Variants in TJP2 observed in about 807,000 individuals in gnomAD.
TJP2 encodes tight junction protein 2.
Under a neutral mutation model 133.1 loss-of-function variants are expected in TJP2, and 91 were observed. That is an observed-to-expected ratio of 0.68 (90% confidence interval 0.58 to 0.81). The LOEUF is 0.81. Among genes scored for constraint, TJP2 ranks in the 40% least tolerant of loss-of-function variants. The pLI is 0.00. For missense variants in TJP2, 1,541 were observed against 1,565.6 expected (o/e 0.98, Z 0.26); for synonymous variants, 592 against 583.4 (o/e 1.01, Z -0.21).
chr9:69,175,697 T>C (rs1430397424), intron 1 of TJP2, among the ~76,000 whole-genome samples: 1 of 152,116 alleles, frequency 6.6e-6, no homozygotes, highest in East Asian at 1.9e-4. Flanking sequence ...ATCCGATGAG[T>C]GCCATTTAGA....
chr9:69,132,592 C>T (rs935187430), intron 1 of TJP2, among the ~76,000 whole-genome samples: 2 of 152,190 alleles, frequency 1.3e-5, no homozygotes, highest in East Asian at 1.9e-4. Context: ...AGTTCAAAGT[C>T]CTGTGCATTC....
At chr9:69,145,101 T>C (rs1046128940) in intron 1 of TJP2, among the ~76,000 whole-genome samples, 5 of 152,260 alleles carry the variant, frequency 3.3e-5, no homozygotes, top group Admixed American at 6.5e-5. Context: ...TTTTTAATAA[T>C]AATTTTAAAA....
intron 1 of TJP2, among the ~76,000 whole-genome samples, chr9:69,202,636 C>T (rs111636743): frequency 6.6e-6 from 1 of 152,154 alleles, no homozygotes; most frequent in Non-Finnish European, 1.5e-5. Context: ...AGAGAAAATA[C>T]ATTTATTACT....
rs766426437 is a variant in TJP2 at position 69,254,213 on chromosome 9, A to G, written c.3412A>G (p.Arg1138Gly). Residue 1138 changes from arginine (R) to glycine (G), a missense_variant, in exon 23 of 23, where the codon AGA (arginine) becomes GGA (glycine). Arg to Gly is a moderately radical substitution (Grantham distance 125, BLOSUM62 -2). Coordinates refer to ENST00000377245, the MANE Select transcript of TJP2 (RefSeq NM_004817.4). ...TTAACACCCTTTTTTTGTTAGTTCC[A>G]GACCCCCTGAGCCACAGAAAGCTCC... ...DPGTPQHTSSRPPEPQKAPSR... is the reference protein window; with the variant it reads ...DPGTPQHTSSGPPEPQKAPSR... The G allele has an allele frequency of 6.2e-7, 1 of 1,614,218 alleles. No homozygotes were observed. The highest frequency in any genetic ancestry group is 1.1e-5 in the South Asian group (1 of 91,080).
intron 1 of TJP2, among the ~76,000 whole-genome samples, chr9:69,208,841 A>C (rs966209372): frequency 6.6e-6 from 1 of 152,010 alleles, no homozygotes; most frequent in African/African-American, 2.4e-5. Flanking sequence ...CCCTTAATTC[A>C]TGGGGCTATA....
chr9:69,251,431 G>GAAC (rs1831324051), intron 21 of TJP2, 67 bp downstream of exon 21: 7 of 1,506,166 alleles, frequency 4.6e-6, no homozygotes, highest in Non-Finnish European at 5.4e-6. Flanking sequence ...ACATAACAGC[G>GAAC]AACAGCCCCT....
At chr9:69,213,055 A>ATTTTTT (rs551659577) in intron 2 of TJP2, among the ~76,000 whole-genome samples, 2 of 76,546 alleles carry the variant, frequency 2.6e-5, no homozygotes, top group Non-Finnish European at 5.0e-5. Context: ...GTGGTTCTGC[A>ATTTTTT]TTTTTTTTTT....
intron 12 of TJP2, among the ~76,000 whole-genome samples, chr9:69,234,867 A>G (rs1830067916): frequency 6.6e-6 from 1 of 152,202 alleles, no homozygotes; most frequent in Non-Finnish European, 1.5e-5. Flanking sequence ...TGCAAAGGCC[A>G]TGGCTGCTGG....
rs1468773013 is a variant in TJP2, at chr9:69,124,110, G to A, written c.-131+2385G>A. Among the ~76,000 whole-genome samples, 2 of 75,074 alleles carry A rather than the reference G, an allele frequency of 2.7e-5. 1 individual carries two copies. The highest frequency in any genetic ancestry group is 6.1e-5 in the Non-Finnish European group (2 of 33,042). The allele number at this position is 75,074 out of a possible 152,430, so 49.3% of individuals were successfully genotyped here. ...TTAGCCAGGATGGTCTTGATCTCCT[G>A]ACCTCGTGATCCGCCCACCTCGGCC... On this transcript the variant is annotated intron_variant, in intron 1 of 5. Coordinates refer to the TJP2 transcript ENST00000423935.
upstream of TJP2, among the ~76,000 whole-genome samples, chr9:69,172,041 C>T (rs141138169): frequency 3.2e-4 from 48 of 152,196 alleles, no homozygotes; most frequent in Non-Finnish European, 6.3e-4. Context: ...GCGATCTGTC[C>T]GCCTCGACCT....
chr9:69,237,175 G>A, intron 14 of TJP2, 39 bp downstream of exon 14: 1 of 1,611,008 alleles, frequency 6.2e-7, no homozygotes, highest in Non-Finnish European at 8.5e-7. Context: ...GAACTGACTG[G>A]GCTCTGAGCC....
Position 69,174,440 on chromosome 9 carries a change from C to G in TJP2, c.60+8C>G. On this transcript the variant is annotated splice_region_variant and intron_variant, in intron 1 of 22. Coordinates refer to ENST00000377245, the MANE Select transcript of TJP2 (RefSeq NM_004817.4). ...CTGTCAGGTTGGCTCCGCGTAAGTG[C>G]CTCCTTGTGCCGCGCGGTTGGGAGG... 2 of 1,550,596 alleles carry G rather than the reference C, an allele frequency of 1.3e-6. No homozygotes were observed. Among genetic ancestry groups the G allele is most frequent in the Non-Finnish European group, 1.7e-6 (2 of 1,146,786 alleles).
chr9:69,158,866 T>C (rs1288489019), intron 2 of TJP2, among the ~76,000 whole-genome samples: 1 of 152,158 alleles, frequency 6.6e-6, no homozygotes, highest in Admixed American at 6.6e-5. Flanking sequence ...GATTCTTCAC[T>C]CATATCAGTT....
At chr9:69,145,579 A>T in intron 1 of TJP2, 1 of 510,036 alleles carries the variant, frequency 2.0e-6, no homozygotes, top group Non-Finnish European at 3.0e-6. Flanking sequence ...GGTTGTGTTT[A>T]ATAGATCTAG....
intron 2 of TJP2, among the ~76,000 whole-genome samples, chr9:69,166,462 G>T (rs1824363900): frequency 6.6e-6 from 1 of 151,038 alleles, no homozygotes. Flanking sequence ...ACAACACAGG[G>T]CCAGGCACCG....
rs183610370 is a variant in TJP2 at position 69,165,071 on chromosome 9, C to T, written c.-10+13300C>T. ...TCTTGAACTCTTGGCCTCAAGTGTT[C>T]CGCCTGCCTTGGCCTCCCAAAGTGC... On this transcript the variant is annotated intron_variant, in intron 2 of 5. Transcript: ENST00000423935. 3.0e-3 allele frequency among the ~76,000 whole-genome samples: 453 copies of T among 152,276 alleles called. 2 individuals are homozygous for T. The highest frequency in any genetic ancestry group is 0.01 in the African/African-American group (428 of 41,546).
At chr9:69,147,032 T>G (rs1210554159) in intron 1 of TJP2, among the ~76,000 whole-genome samples, 1 of 152,200 alleles carries the variant, frequency 6.6e-6, no homozygotes, top group Non-Finnish European at 1.5e-5. Flanking sequence ...TGTTATTGTC[T>G]TGAAAGTAAA....
At chr9:69,213,959 C>T (rs1371152325) in intron 2 of TJP2, among the ~76,000 whole-genome samples, 3 of 151,968 alleles carry the variant, frequency 2.0e-5, no homozygotes, top group Non-Finnish European at 2.9e-5. Context: ...GTGGGCCTCA[C>T]GTGGGAAACT....
At position 69,240,134 on chromosome 9, in the gene TJP2, A is replaced by G. The variant is rs763701380; in HGVS notation, c.2553A>G (p.Ala851=). 4 of 1,613,902 alleles carry G rather than the reference A, an allele frequency of 2.5e-6. No homozygotes were observed. The highest frequency in any genetic ancestry group is 1.7e-5 in the Admixed American group (1 of 60,012). The change falls in exon 17 of 23, where the codon GCA becomes GCG. Residue 851 remains alanine, a synonymous_variant. Coordinates refer to ENST00000377245, the MANE Select transcript of TJP2 (RefSeq NM_004817.4). ...CCAACAAGCTTAAAAAAACGTGTGC[A>G]CACCTTTTTACAGGTAAGTGAAATG... ...DQANKLKKTC[A]HLFTATINLN... is the part of the protein sequence containing the mutation.
Sources: gnomAD v4.1 joint callset for allele counts (sites outside exome capture counted in the v4.1 genomes callset) on GRCh38, gnomAD v4.1.1 for gene constraint, MANE v1.5 for transcripts, NCBI Gene and HGNC (gene_info 2026-07-23, HGNC 2026-07-21) for gene names.